The following SNTB1 variants were observed in gnomAD, a reference collection of about 807,000 sequenced individuals.
SNTB1 encodes syntrophin beta 1.
In SNTB1, 36 loss-of-function variants were observed where a neutral mutation model predicts 48.9. The observed-to-expected ratio is 0.74, with a 90% CI of 0.56 to 0.97. SNTB1 has a LOEUF of 0.97. Ranked by LOEUF, SNTB1 falls within the 50% of genes least tolerant of loss-of-function variation. The pLI, the probability that SNTB1 is intolerant of heterozygous loss-of-function variation, is 0.00. For synonymous variants in SNTB1, 299 were observed against 294.6 expected (o/e 1.01, Z -0.15); for missense variants, 786 against 703.4 (o/e 1.12, Z -1.33).
chr8:120,597,974 G>A (rs1255838185), intron 3 of SNTB1, among the ~76,000 whole-genome samples: 1 of 152,176 alleles, frequency 6.6e-6, no homozygotes, highest in East Asian at 1.9e-4. Context: ...AGAGTTTCTT[G>A]GTAGATTTTC....
chr8:120,621,324 G>A (rs1226251765), intron 3 of SNTB1, among the ~76,000 whole-genome samples: 1 of 152,190 alleles, frequency 6.6e-6, no homozygotes, highest in Non-Finnish European at 1.5e-5. Flanking sequence ...CCTATAAGTG[G>A]ACAGCTAACT....
At chr8:120,673,294 CTT>C (rs112897189) in intron 2 of SNTB1, among the ~76,000 whole-genome samples, 24 of 143,610 alleles carry the variant, frequency 1.7e-4, no homozygotes, top group Admixed American at 2.8e-4. Context: ...TTTTTTCTTT[CTT>C]TTTTTTTTTT....
chr8:120,610,076 G>A (rs529695656), intron 3 of SNTB1, among the ~76,000 whole-genome samples: 3 of 152,212 alleles, frequency 2.0e-5, no homozygotes, highest in African/African-American at 7.2e-5. Flanking sequence ...ATAGGCACTG[G>A]CTTAATCAGC....
chr8:120,580,932 C>T (rs1020357791), intron 3 of SNTB1, among the ~76,000 whole-genome samples: 4 of 151,838 alleles, frequency 2.6e-5, no homozygotes, highest in Non-Finnish European at 5.9e-5. Context: ...TCAGACAAGA[C>T]GTCTAGAGCT....
At chr8:120,622,018 G>A (rs567113621) in intron 3 of SNTB1, among the ~76,000 whole-genome samples, 2 of 152,260 alleles carry the variant, frequency 1.3e-5, no homozygotes, top group East Asian at 1.9e-4. Flanking sequence ...TTCAACAAAC[G>A]TTAAGTTGAC....
chr8:120,713,518 T>C (rs1333258857), intron 1 of SNTB1, among the ~76,000 whole-genome samples: 1 of 152,086 alleles, frequency 6.6e-6, no homozygotes, highest in East Asian at 1.9e-4. Flanking sequence ...GATTGCGAGG[T>C]CAGGAGTTCA....
chr8:120,810,306 CA>C (rs1820402973), intron 1 of SNTB1, among the ~76,000 whole-genome samples: 2 of 152,156 alleles, frequency 1.3e-5, no homozygotes, highest in Non-Finnish European at 2.9e-5. Context: ...CAGCTGTAGG[CA>C]GACAGGAGAA....
At chr8:120,764,398 A>C (rs150469146) in intron 1 of SNTB1, among the ~76,000 whole-genome samples, 1 of 152,320 alleles carries the variant, frequency 6.6e-6, no homozygotes, top group East Asian at 1.9e-4. Context: ...ACATACCCAT[A>C]TATGCATTAT....
rs190156746 is a variant in SNTB1 at position 120,644,436 on chromosome 8, G to C, written c.789-11785C>G. 4.9e-3 allele frequency among the ~76,000 whole-genome samples: 744 copies of C among 151,300 alleles called. 15 individuals are homozygous for C. The highest frequency in any genetic ancestry group is 3.6e-3 in the Non-Finnish European group (241 of 67,884). ...TGTTTGGTTTTTTGTTCTTGCGATA[G>C]TTTACTGAGAATGATGATTTCCAAT... is the stretch of plus-strand genomic sequence containing the variant. On this transcript the variant is annotated intron_variant, in intron 2 of 6. Transcript: ENST00000517992.
At chr8:120,539,897 A>AT (rs545009947) in intron 6 of SNTB1, among the ~76,000 whole-genome samples, 7 of 152,128 alleles carry the variant, frequency 4.6e-5, no homozygotes, top group Admixed American at 3.9e-4. Flanking sequence ...TATTATCTCC[A>AT]TTTTTTTGTA....
chr8:120,655,179 T>TA (rs1048114958), intron 2 of SNTB1: 24 of 247,984 alleles, frequency 9.7e-5, no homozygotes, highest in African/African-American at 2.8e-4. Context: ...TTAGAAAACT[T>TA]AAAAAAAAGA....
In SNTB1 at chr8:120,548,813, T is replaced by C. The variant is rs1461584935; in HGVS notation, c.1282A>G (p.Ile428Val). The C allele has an allele frequency of 3.7e-6, 6 of 1,614,022 alleles. No homozygotes were observed. The highest frequency in any genetic ancestry group is 2.7e-5 in the African/African-American group (2 of 74,928). ...GCAGAATTGTGGCAACCCTGTACTA[T>C]GCTCCTTGTCCAGTGGGAGAGGTCC... Reference protein sequence around the residue: ...SRDLSHWTRSIVQGCHNSAEL... With the variant: ...SRDLSHWTRSVVQGCHNSAEL... The change falls in exon 5 of 7, where the codon ATA (isoleucine) becomes GTA (valine). Residue 428 changes from isoleucine (I) to valine (V), a missense_variant. Coordinates refer to ENST00000517992, the MANE Select transcript of SNTB1 (RefSeq NM_021021.4).
rs760773981 is a variant in SNTB1 at position 120,538,981 on chromosome 8, AAAG to A, written c.1525-15_1525-13del. 2 of 1,602,850 alleles carry A rather than the reference AAAG, an allele frequency of 1.2e-6. No homozygotes were observed. Among genetic ancestry groups the A allele is most frequent in the Non-Finnish European group, 1.7e-6 (2 of 1,175,062 alleles). Reference sequence around the variant, plus strand: ...TGAAGGTCCAGTTGCTGAAATTTAAAAAGAAGAGAGCATGAGCGATTTTAAATT... The same window carrying A: ...TGAAGGTCCAGTTGCTGAAATTTAAAAAGAGAGCATGAGCGATTTTAAATT... On this transcript the variant is annotated splice_polypyrimidine_tract_variant and intron_variant, in intron 6 of 6. Coordinates refer to ENST00000517992, the MANE Select transcript of SNTB1 (RefSeq NM_021021.4).
Position 120,538,399 on chromosome 8 carries a change from T to G in SNTB1, c.*478A>C, listed in dbSNP as rs372311740. 7.0e-4 allele frequency: 145 copies of G among 207,762 alleles called. No homozygotes were observed. Among genetic ancestry groups the G allele is most frequent in the Non-Finnish European group, 9.7e-4 (94 of 96,982 alleles). The allele number at this position is 207,762 out of a possible 1,614,324, so 12.9% of individuals were successfully genotyped here. On this transcript the variant is annotated 3_prime_UTR_variant, in exon 7 of 7. Coordinates refer to ENST00000517992, the MANE Select transcript of SNTB1 (RefSeq NM_021021.4). ...TCTTTTCCTACAAGGGAAAGTCAAC[T>G]CAGCAAGAATTAGGAAATAAATCAC...
At chr8:120,795,655 A>G (rs1820109100) in intron 1 of SNTB1, among the ~76,000 whole-genome samples, 1 of 152,032 alleles carries the variant, frequency 6.6e-6, no homozygotes, top group African/African-American at 2.4e-5. Context: ...ACAAAGTACC[A>G]CCAACTGGAT....
chr8:120,658,878 T>G (rs954535229), intron 2 of SNTB1, among the ~76,000 whole-genome samples: 1 of 152,196 alleles, frequency 6.6e-6, no homozygotes, highest in South Asian at 2.1e-4. Flanking sequence ...GATAGCATTT[T>G]ACTGTCTGCA....
intron 3 of SNTB1, among the ~76,000 whole-genome samples, chr8:120,578,462 A>G (rs1815985924): frequency 6.6e-6 from 1 of 152,176 alleles, no homozygotes; most frequent in Admixed American, 6.5e-5. Flanking sequence ...TATGAATACG[A>G]CAGTTTTGGA....
chr8:120,646,015 G>A (rs1338015341), intron 2 of SNTB1, among the ~76,000 whole-genome samples: 1 of 150,634 alleles, frequency 6.6e-6, no homozygotes, highest in East Asian at 1.9e-4. Context: ...CATTGATTTT[G>A]TATCCTGAGA....
At chr8:120,645,219 T>C (rs920637037) in intron 2 of SNTB1, among the ~76,000 whole-genome samples, 6 of 152,216 alleles carry the variant, frequency 3.9e-5, no homozygotes, top group African/African-American at 1.4e-4. Context: ...TTTGGTATTT[T>C]AGACATGAAA....
Sources: allele counts gnomAD v4.1 joint callset (sites outside exome capture counted in the v4.1 genomes callset), GRCh38; gene constraint gnomAD v4.1.1; transcripts MANE v1.5; gene names NCBI Gene and HGNC (gene_info 2026-07-23, HGNC 2026-07-21).